GLI3: variants seen among roughly 807,000 people sequenced by gnomAD.
The protein encoded by GLI3 is GLI family zinc finger 3.
A neutral mutation model predicts 100.8 loss-of-function variants in GLI3; 20 were observed. The ratio of observed to expected loss-of-function variants is 0.20; its 90% CI spans 0.14 to 0.29. The LOEUF (loss-of-function observed/expected upper bound fraction) is 0.29. Among genes scored for constraint, GLI3 ranks in the 10% least tolerant of loss-of-function variants. GLI3 has a pLI of 1.00. For missense variants in GLI3, 2,040 were observed against 2,128.5 expected (o/e 0.96, Z 0.82); for synonymous variants, 938 against 860.5 (o/e 1.09, Z -1.58).
At chr7:42,129,016 C>T (rs1786204546) in intron 3 of GLI3, among the ~76,000 whole-genome samples, 1 of 152,162 alleles carries the variant, frequency 6.6e-6, no homozygotes, top group Non-Finnish European at 1.5e-5. Context: ...AGATAGCAGG[C>T]TGGGCAAACA....
chr7:42,176,890 C>T lies in GLI3; in HGVS notation c.125-28422G>A, dbSNP rs1181315639. 5.3e-5 allele frequency among the ~76,000 whole-genome samples: 8 copies of T among 152,286 alleles called. No homozygotes were observed. The East Asian group carries it at 1.5e-3, about 29-fold the overall frequency. On this transcript the variant is annotated intron_variant, in intron 2 of 14. Coordinates refer to ENST00000395925, the MANE Select transcript of GLI3 (RefSeq NM_000168.6). ...CTCTCCCCTCAGGCACTTTTTAAAT[C>T]TAGCCCCCAAATTTCCAGGCAGGGG...
rs776777058 is a variant in GLI3, at chr7:41,965,422, C to T, written c.3651G>A (p.Gly1217=). 3 of 1,608,098 alleles carry T rather than the reference C, an allele frequency of 1.9e-6. No individual in the cohort carries two copies. The highest frequency in any genetic ancestry group is 1.7e-6 in the Non-Finnish European group (2 of 1,177,014). Residue 1217 remains glycine (G), a synonymous_variant, in exon 15 of 15, where the codon GGG becomes GGA. Transcript: ENST00000395925. The part of the protein sequence containing the change: ...SGPAGGYQTL[G]ENSNPYGGPE... ...GGCCACCGTAGGGGTTGCTGTTCTCCCCGAGGGTCTGATAGCCCCCAGCAG... is the reference window on the plus strand; with the variant it reads ...GGCCACCGTAGGGGTTGCTGTTCTCTCCGAGGGTCTGATAGCCCCCAGCAG...
chr7:42,254,217 T>TAAAAAAAAAA (rs3057276), intron 1 of GLI3, among the ~76,000 whole-genome samples: 1 of 118,516 alleles, frequency 8.4e-6, no homozygotes, highest in East Asian at 2.5e-4. Flanking sequence ...AAAACTCCGT[T>TAAAAAAAAAA]AAAAAAAAAA....
chr7:42,029,859 T>A (rs1031287795), intron 7 of GLI3, among the ~76,000 whole-genome samples: 2 of 152,140 alleles, frequency 1.3e-5, no homozygotes, highest in Non-Finnish European at 2.9e-5. Context: ...CACGCAGTAC[T>A]CTCTAAAACT....
intron 3 of GLI3, among the ~76,000 whole-genome samples, chr7:42,094,589 T>G (rs1311506543): frequency 6.6e-6 from 1 of 151,050 alleles, no homozygotes; most frequent in Admixed American, 6.6e-5. Flanking sequence ...TACAAAAAAA[T>G]AGGGCATGGT....
At chr7:42,147,185 A>G (rs2128786065) in intron 3 of GLI3, among the ~76,000 whole-genome samples, 1 of 152,276 alleles carries the variant, frequency 6.6e-6, no homozygotes, top group East Asian at 1.9e-4. Context: ...AGGAGTGAGC[A>G]TTCCCCTTTG....
At chr7:42,059,305 A>G (rs1397950566) in intron 4 of GLI3, among the ~76,000 whole-genome samples, 4 of 151,922 alleles carry the variant, frequency 2.6e-5, no homozygotes, top group Admixed American at 6.6e-5. Context: ...TGTTTCTGCA[A>G]TGTCTAATAA....
intron 2 of GLI3, among the ~76,000 whole-genome samples, chr7:42,222,253 A>G (rs6949528): frequency 0.87 from 131,821 of 152,242 alleles, 57,163 homozygotes; most frequent in Middle Eastern, 0.94. Flanking sequence ...TAGCAGGTTG[A>G]CTCATACAAA....
intron 1 of GLI3, among the ~76,000 whole-genome samples, chr7:42,235,529 A>C (rs2128707053): frequency 6.6e-6 from 1 of 152,366 alleles, no homozygotes; most frequent in East Asian, 1.9e-4. Flanking sequence ...ATCTAAAAAA[A>C]CGGCCTCATC....
chr7:42,091,788 C>G (rs191402144), intron 3 of GLI3, among the ~76,000 whole-genome samples: 1 of 152,208 alleles, frequency 6.6e-6, no homozygotes, highest in Non-Finnish European at 1.5e-5. Context: ...AGTTCCTTAA[C>G]GATTCTTCCC....
At chr7:42,006,606 C>A (rs1368448183) in intron 10 of GLI3, among the ~76,000 whole-genome samples, 2 of 152,182 alleles carry the variant, frequency 1.3e-5, no homozygotes. Context: ...AGGGGACAGG[C>A]CCAAAAGGCT....
chr7:42,223,262 C>A lies in GLI3; in HGVS notation c.-9G>T. 6.2e-7 allele frequency: 1 copy of A among 1,612,354 alleles called. No individual in the cohort carries two copies. The highest frequency in any genetic ancestry group is 1.1e-5 in the South Asian group (1 of 91,030). On this transcript the variant is annotated 5_prime_UTR_variant, in exon 2 of 15. Coordinates refer to ENST00000395925, the MANE Select transcript of GLI3 (RefSeq NM_000168.6). ...TGGGACTGGGCCTCCATGATGTCTT[C>A]TCATTACTTCAGCTCTCTTCGACCA...
At chr7:42,166,164 T>C (rs143291335) in intron 2 of GLI3, among the ~76,000 whole-genome samples, 11 of 152,326 alleles carry the variant, frequency 7.2e-5, no homozygotes, top group African/African-American at 2.4e-4. Context: ...CTGAGCCTGC[T>C]CAACTTTCCA....
chr7:42,247,647 C>T (rs938289318), intron 1 of GLI3, among the ~76,000 whole-genome samples: 7 of 152,186 alleles, frequency 4.6e-5, no homozygotes, highest in African/African-American at 1.7e-4. Context: ...GACTTGAAAG[C>T]CCAAGTGTTA....
At chr7:42,048,445 G>C (rs201707488) in intron 5 of GLI3, 46 bp downstream of exon 5, 1 of 1,234,544 alleles carries the variant, frequency 8.1e-7, no homozygotes, top group African/African-American at 1.5e-5. Context: ...GAGGAGCGGG[G>C]AGGAGGCTGC....
intron 7 of GLI3, among the ~76,000 whole-genome samples, chr7:42,034,455 C>T (rs1003092973): frequency 2.0e-5 from 3 of 152,120 alleles, no homozygotes; most frequent in African/African-American, 7.2e-5. Flanking sequence ...AGATCTAAGG[C>T]CCCAGATCTT....
At chr7:42,255,633 G>A (rs1002607672) in intron 1 of GLI3, among the ~76,000 whole-genome samples, 6 of 152,166 alleles carry the variant, frequency 3.9e-5, no homozygotes, top group African/African-American at 1.2e-4. Context: ...GCATTTATGT[G>A]TAGCGTATTT....
chr7:42,247,827 C>A (rs1221379986), intron 1 of GLI3, among the ~76,000 whole-genome samples: 1 of 152,186 alleles, frequency 6.6e-6, no homozygotes, highest in Non-Finnish European at 1.5e-5. Context: ...TTTCTCTTTG[C>A]AAACTATTCT....
Position 42,026,334 on chromosome 7 carries a change from G to A in GLI3, c.1107C>T (p.Ser369=), listed in dbSNP as rs769249594. ...MHQQILSRQQ[S]LGSAFGHSPP... is the part of the protein sequence containing the mutation. ...GGCTGTGTCCAAAGGCTGAACCTAAGCTCTGTTGTCGGCTTAGGATCTGCT... is the reference window on the plus strand; with the variant it reads ...GGCTGTGTCCAAAGGCTGAACCTAAACTCTGTTGTCGGCTTAGGATCTGCT... The change falls in exon 8 of 15, where the codon AGC becomes AGT. Residue 369 remains serine (S), a synonymous_variant. Coordinates refer to ENST00000395925, the MANE Select transcript of GLI3 (RefSeq NM_000168.6). The A allele has an allele frequency of 1.2e-6, 2 of 1,614,164 alleles. No individual in the cohort carries two copies. Among genetic ancestry groups the A allele is most frequent in the Admixed American group, 3.3e-5 (2 of 60,028 alleles).
Sources: gnomAD v4.1 joint callset for allele counts (sites outside exome capture counted in the v4.1 genomes callset) on GRCh38, gnomAD v4.1.1 for gene constraint, MANE v1.5 for transcripts, NCBI Gene and HGNC (gene_info 2026-07-23, HGNC 2026-07-21) for gene names.